AKNA: variants seen among roughly 807,000 people sequenced by gnomAD.
AKNA encodes the protein AT-hook transcription factor.
In AKNA, 67 loss-of-function variants were observed where a neutral mutation model predicts 138.8. That is an observed-to-expected ratio of 0.48 (90% confidence interval 0.40 to 0.59). AKNA has a LOEUF of 0.59. Among genes scored for constraint, AKNA ranks in the 20% least tolerant of loss-of-function variants. AKNA has a pLI of 0.00. For missense variants in AKNA, 1,813 were observed against 1,880.4 expected (o/e 0.96, Z 0.66); for synonymous variants, 737 against 754.4 (o/e 0.98, Z 0.38).
chr9:114,343,344 C>A (rs569832034), intron 19 of AKNA, among the ~76,000 whole-genome samples: 1 of 152,282 alleles, frequency 6.6e-6, no homozygotes, highest in East Asian at 1.9e-4. Flanking sequence ...GAACCCATTG[C>A]CTGGATTATC....
intron 8 of AKNA, among the ~76,000 whole-genome samples, chr9:114,362,144 G>C (rs1271478041): frequency 6.6e-6 from 1 of 152,180 alleles, no homozygotes; most frequent in Non-Finnish European, 1.5e-5. Context: ...TGGGACATTA[G>C]AGAAATCCCA....
chr9:114,362,396 C>T lies in AKNA; in HGVS notation c.1916+10G>A, dbSNP rs754199897. 127 of 1,607,796 alleles carry T rather than the reference C, an allele frequency of 7.9e-5. No homozygotes were observed. The highest frequency in any genetic ancestry group is 9.8e-5 in the Non-Finnish European group (115 of 1,176,980). On this transcript the variant is annotated intron_variant, in intron 8 of 21. Coordinates refer to ENST00000374088, the MANE Select transcript of AKNA (RefSeq NM_001317950.2). ...ATCTGTCCTTCCAGGCCTTCCACCCCAGCAGGTACCTGCGAGGATCAAATC... is the reference window on the plus strand; with the variant it reads ...ATCTGTCCTTCCAGGCCTTCCACCCTAGCAGGTACCTGCGAGGATCAAATC...
chr9:114,347,951 G>A (rs981528344), intron 15 of AKNA, 51 bp from the exon 16 acceptor site: 1 of 1,531,372 alleles, frequency 6.5e-7, no homozygotes, highest in Non-Finnish European at 8.8e-7. Context: ...GAGGAACAGA[G>A]CTGCAGCCAC....
intron 15 of AKNA, 99 bp downstream of exon 15, chr9:114,350,760 T>C: frequency 7.4e-7 from 1 of 1,354,780 alleles, no homozygotes; most frequent in South Asian, 1.5e-5. Context: ...ACCATCTGTG[T>C]GAGCTGGGCA....
At chr9:114,386,077 G>A (rs2763195) in intron 1 of AKNA, among the ~76,000 whole-genome samples, 11,791 of 152,104 alleles carry the variant, frequency 0.078, 1,524 homozygotes, top group African/African-American at 0.27. Context: ...AGCTTCTAAG[G>A]GCAACAGCCT....
chr9:114,387,898 CA>C lies in AKNA; in HGVS notation c.-153del. On this transcript the variant is annotated 5_prime_UTR_variant, in exon 1 of 22. It removes the in-frame stop codon of an upstream open reading frame in the 5' UTR. Transcript: ENST00000374088. ...CACCACCGTCCTGCCGACCCAGTTTCAGGGGACCTGCCTGTGAATTCTTTGT... is the reference window on the plus strand; with the variant it reads ...CACCACCGTCCTGCCGACCCAGTTTCGGGGACCTGCCTGTGAATTCTTTGT... The C allele has an allele frequency of 6.6e-6, 3 of 455,200 alleles. No homozygotes were observed. The highest frequency in any genetic ancestry group is 3.3e-4 in the Middle Eastern group (1 of 3,070). 28.2% of individuals were successfully genotyped at this position (455,200 alleles called of 1,614,324 possible).
In AKNA at chr9:114,337,034, C is replaced by A; in HGVS notation, c.*20G>T. 3 of 1,280,554 alleles carry A rather than the reference C, an allele frequency of 2.3e-6. No homozygotes were observed. The allele number at this position is 1,280,554 out of a possible 1,614,324, so 79.3% of individuals were successfully genotyped here. A position where few individuals can be genotyped will look rare whatever the true frequency, so the allele number is the denominator to read the frequency against. ...ACCTGCCCACCCACCCACCCATCTGCCTCTGGGCCCCCAGTGAAGTCAGAA... is the reference window on the plus strand; with the variant it reads ...ACCTGCCCACCCACCCACCCATCTGACTCTGGGCCCCCAGTGAAGTCAGAA... On this transcript the variant is annotated 3_prime_UTR_variant, in exon 22 of 22. Coordinates refer to ENST00000374088, the MANE Select transcript of AKNA (RefSeq NM_001317950.2).
At chr9:114,331,192 T>C (rs1401829309), downstream of AKNA, among the ~76,000 whole-genome samples, 2 of 152,110 alleles carry the variant, frequency 1.3e-5, no homozygotes, top group East Asian at 3.9e-4. Context: ...GAAGCCTGTA[T>C]GTTGGAGAGG....
At chr9:114,380,639 T>C (rs1287914772) in intron 2 of AKNA, among the ~76,000 whole-genome samples, 1 of 152,092 alleles carries the variant, frequency 6.6e-6, no homozygotes, top group Admixed American at 6.5e-5. Context: ...ACAGACTTTG[T>C]AGAATTTAAT....
chr9:114,373,312 C>G (rs1334680343), intron 4 of AKNA, among the ~76,000 whole-genome samples: 1 of 152,130 alleles, frequency 6.6e-6, no homozygotes, highest in African/African-American at 2.4e-5. Context: ...TGGTGGGTTC[C>G]CCCTCTGCTC....
At chr9:114,370,127 C>G (rs774493287) in intron 4 of AKNA, among the ~76,000 whole-genome samples, 18 of 152,242 alleles carry the variant, frequency 1.2e-4, no homozygotes, top group Non-Finnish European at 1.9e-4. Flanking sequence ...CAAGCAGGCT[C>G]TCTTGCTTAA....
chr9:114,337,168 C>T lies in AKNA; in HGVS notation c.4206G>A (p.Leu1402=). 6.2e-7 allele frequency: 1 copy of T among 1,611,224 alleles called. No individual in the cohort carries two copies. Among genetic ancestry groups the T allele is most frequent in the Non-Finnish European group, 8.5e-7 (1 of 1,178,198 alleles). Residue 1402 remains leucine (L), a synonymous_variant, in exon 22 of 22, where the codon CTG becomes CTA. Coordinates refer to ENST00000374088, the MANE Select transcript of AKNA (RefSeq NM_001317950.2). ...LGDLEELNKA[L]SRAVQAAESV... is the part of the protein sequence containing the mutation. ...TCTCGGCAGCCTGCACGGCCCGGCT[C>T]AGGGCCTTGTTGAGCTCCTCTAGGT...
intron 12 of AKNA, among the ~76,000 whole-genome samples, chr9:114,357,216 G>A (rs1172397361): frequency 1.4e-5 from 2 of 142,642 alleles, no homozygotes; most frequent in Admixed American, 6.7e-5. Context: ...CCTGAGGGGT[G>A]GCAGCCAGAG....
Position 114,341,568 on chromosome 9 carries a change from G to C in AKNA, c.4032C>G (p.Ser1344=). 6.2e-7 allele frequency: 1 copy of C among 1,614,130 alleles called. No individual in the cohort carries two copies. Among genetic ancestry groups the C allele is most frequent in the Non-Finnish European group, 8.5e-7 (1 of 1,180,026 alleles). The change falls in exon 21 of 22, where the codon TCC becomes TCG. Residue 1344 remains serine, a synonymous_variant. Transcript: ENST00000374088. ...APAPPAFAYI[S]SVPIMPYPPA... is the part of the protein sequence containing the mutation. The stretch of plus-strand genomic sequence containing the variant: ...GTGGATAAGGCATGATGGGAACCGA[G>C]GAGATGTAGGCAAAGGCTGGAGGGG...
In AKNA at chr9:114,367,707, A is replaced by C; in HGVS notation, c.1574-10T>G. The stretch of plus-strand genomic sequence containing the variant: ...CGAGCTGATGGCCACCCTGGAATAC[A>C]CAACTGCTGAAAGCTGGGGCCAAGA... On this transcript the variant is annotated splice_polypyrimidine_tract_variant and intron_variant, in intron 5 of 21. Coordinates refer to ENST00000374088, the MANE Select transcript of AKNA (RefSeq NM_001317950.2). 2 of 1,544,078 alleles carry C rather than the reference A, an allele frequency of 1.3e-6. No individual in the cohort carries two copies. Among genetic ancestry groups the C allele is most frequent in the African/African-American group, 1.4e-5 (1 of 72,462 alleles).
chr9:114,346,207 G>C (rs771682177), intron 17 of AKNA, among the ~76,000 whole-genome samples, 198 bp from the exon 18 acceptor site: 1 of 152,174 alleles, frequency 6.6e-6, no homozygotes, highest in South Asian at 2.1e-4. Context: ...TGTGTGTGCC[G>C]TGTTGGGCAC....
intron 2 of AKNA, among the ~76,000 whole-genome samples, chr9:114,379,942 G>A (rs1833518749): frequency 1.3e-5 from 2 of 152,214 alleles, no homozygotes; most frequent in African/African-American, 4.8e-5. Flanking sequence ...CTTCAGGCCA[G>A]GAGTTTGAGA....
chr9:114,389,181 C>T (rs1834236422), upstream of AKNA, among the ~76,000 whole-genome samples: 1 of 152,126 alleles, frequency 6.6e-6, no homozygotes. Flanking sequence ...AGCCAGCGGG[C>T]TTTCCCTGAG....
At chr9:114,392,834 G>A (rs1397953728), upstream of AKNA, among the ~76,000 whole-genome samples, 1 of 152,130 alleles carries the variant, frequency 6.6e-6, no homozygotes, top group Admixed American at 6.5e-5. Context: ...CCAGTTCCAG[G>A]GCTCACTGAC....
Sources: allele counts gnomAD v4.1 joint callset (sites outside exome capture counted in the v4.1 genomes callset), GRCh38; gene constraint gnomAD v4.1.1; transcripts MANE v1.5; gene names NCBI Gene and HGNC (gene_info 2026-07-23, HGNC 2026-07-21).